CFAP65: variants seen among roughly 807,000 people sequenced by gnomAD.
CFAP65 encodes cilia and flagella associated protein 65.
Under a neutral mutation model 208.0 loss-of-function variants are expected in CFAP65, and 155 were observed. The observed-to-expected ratio is 0.75, with a 90% CI of 0.65 to 0.85. CFAP65 has a LOEUF of 0.85. CFAP65 is among the 40% of genes least tolerant of loss of function. CFAP65 has a pLI of 0.00. For missense variants in CFAP65, 2,294 were observed against 2,451.3 expected (o/e 0.94, Z 1.36); for synonymous variants, 970 against 986.3 (o/e 0.98, Z 0.31).
chr2:219,036,986 C>G (rs1322573618), intron 4 of CFAP65, among the ~76,000 whole-genome samples: 1 of 152,028 alleles, frequency 6.6e-6, no homozygotes, highest in African/African-American at 2.4e-5. Context: ...CCTGAGTCAC[C>G]TATGGAAGAA....
intron 13 of CFAP65, chr2:219,026,727 C>G (rs1947655747): frequency 1.0e-6 from 1 of 953,188 alleles, no homozygotes; most frequent in Non-Finnish European, 1.2e-6. Flanking sequence ...ATATTAAAAG[C>G]TCAGTAGCCA....
rs1948107598 is a variant in CFAP65 at position 219,032,377 on chromosome 2, C to T, written c.645+93G>A. Reference sequence around the variant, plus strand: ...CTGGAGCGGGCAGCATGTGTGTGTGCCGGGGCGCTCCTGGTTGCTCTGTCC... The same window carrying T: ...CTGGAGCGGGCAGCATGTGTGTGTGTCGGGGCGCTCCTGGTTGCTCTGTCC... On this transcript the variant is annotated intron_variant, in intron 6 of 34. Transcript: ENST00000341552. This position sits in a 1 kb window ranked among gnomAD's most constrained non-coding sequence, Gnocchi z 5.5. 3.7e-6 allele frequency: 4 copies of T among 1,095,530 alleles called. No individual in the cohort carries two copies. Among genetic ancestry groups the T allele is most frequent in the East Asian group, 2.6e-5 (1 of 38,026 alleles). 67.9% of individuals were successfully genotyped at this position (1,095,530 alleles called of 1,614,324 possible).
rs1260395587 is a variant in CFAP65, at chr2:219,023,351, C to A, written c.2676G>T (p.Trp892Cys). Residue 892 changes from tryptophan to cysteine, a missense_variant, in exon 16 of 35, where the codon TGG (tryptophan) becomes TGT (cysteine). By Grantham distance (215) the Trp-to-Cys change is radical. This residue lies in a region of CFAP65 where 1,427 missense variants were observed against 1,438.7 expected (regional missense o/e 0.99). Transcript: ENST00000341552. ...THKSLYFKPT[W>C]VGCSSTSPFT... is the part of the protein sequence containing the mutation. ...AGGGGCTGGTGGAGGAGCAGCCCAC[C>A]CAGGTGGGCTTGAAGTAGAGGCTTT... 6.2e-7 allele frequency: 1 copy of A among 1,610,300 alleles called. No homozygotes were observed.
Position 219,029,419 on chromosome 2 carries a change from C to T in CFAP65, c.1634G>A (p.Cys545Tyr). Residue 545 changes from cysteine to tyrosine, a missense_variant, in exon 11 of 35, where the codon TGT becomes TAT. By Grantham distance (194) the Cys-to-Tyr change is radical (BLOSUM62 -2). This residue lies in a region of CFAP65 where 867 missense variants were observed against 1,012.6 expected (regional missense o/e 0.86). Transcript: ENST00000341552. ...ACGACTCACCTGGTGGTGGATGAGACAGGCCACACGCCGAAAGCAGATGAT... is the reference window on the plus strand; with the variant it reads ...ACGACTCACCTGGTGGTGGATGAGATAGGCCACACGCCGAAAGCAGATGAT... ...HPIICFRRVA[C>Y]LIHHQDPLFL... is the part of the protein sequence containing the mutation. 6.2e-7 allele frequency: 1 copy of T among 1,613,556 alleles called. No homozygotes were observed. Among genetic ancestry groups the T allele is most frequent in the Non-Finnish European group, 8.5e-7 (1 of 1,179,626 alleles).
In CFAP65 at chr2:219,030,685, C is replaced by T. The variant is rs765064284; in HGVS notation, c.1161+4G>A. The T allele has an allele frequency of 6.2e-7, 1 of 1,612,246 alleles. No homozygotes were observed. The highest frequency in any genetic ancestry group is 8.5e-7 in the Non-Finnish European group (1 of 1,178,798). Reference sequence around the variant, plus strand: ...TCCTGCCGCCCCTCCTGCCTGGTGCCTACCGCCGACGGGTTGTGTAGCCTG... The same window carrying T: ...TCCTGCCGCCCCTCCTGCCTGGTGCTTACCGCCGACGGGTTGTGTAGCCTG... On this transcript the variant is annotated splice_donor_region_variant and intron_variant, in intron 9 of 34. Coordinates refer to ENST00000341552, the MANE Select transcript of CFAP65 (RefSeq NM_194302.4).
chr2:219,013,330 A>T lies in CFAP65; in HGVS notation c.3886T>A (p.Tyr1296Asn). 6.2e-7 allele frequency: 1 copy of T among 1,614,000 alleles called. No individual in the cohort carries two copies. Among genetic ancestry groups the T allele is most frequent in the South Asian group, 1.1e-5 (1 of 91,016 alleles). Residue 1296 changes from tyrosine (Y) to asparagine (N), a missense_variant, in exon 24 of 35, where the codon TAT (tyrosine) becomes AAT (asparagine). Coordinates refer to ENST00000341552, the MANE Select transcript of CFAP65 (RefSeq NM_194302.4). ...IGVTVKPEQK[Y>N]VHFTSTTHQF... The stretch of plus-strand genomic sequence containing the variant: ...TGGGTAGTAGAGGTGAAGTGCACAT[A>T]CTTCTGCTCCGGCTTCACTGTCACA...
intron 14 of CFAP65, among the ~76,000 whole-genome samples, chr2:219,025,482 C>G (rs911536405): frequency 6.6e-6 from 1 of 152,276 alleles, no homozygotes; most frequent in East Asian, 1.9e-4. Flanking sequence ...TGGAAGCCGG[C>G]GGTCTGGCCC....
rs1231712326 is a variant in CFAP65 at position 219,019,517 on chromosome 2, G to A, written c.3462C>T (p.Pro1154=). 6.2e-7 allele frequency: 1 copy of A among 1,612,022 alleles called. No individual in the cohort carries two copies. Among genetic ancestry groups the A allele is most frequent in the African/African-American group, 1.3e-5 (1 of 74,916 alleles). The change falls in exon 20 of 35, where the codon CCC becomes CCT. Residue 1154 remains proline (P), a synonymous_variant. Coordinates refer to ENST00000341552, the MANE Select transcript of CFAP65 (RefSeq NM_194302.4). ...CAGGCTCAGCTCACCTGTGCCGGGT[G>A]GGCACCTTGTAGGTGAGCTCACAGG... is the stretch of plus-strand genomic sequence containing the variant. ...PTPCELTYKV[P]TRHSMSQIPP... is the part of the protein sequence containing the mutation.
At chr2:219,036,880 G>A (rs1948398736) in intron 4 of CFAP65, among the ~76,000 whole-genome samples, 1 of 152,238 alleles carries the variant, frequency 6.6e-6, no homozygotes, top group African/African-American at 2.4e-5. Context: ...GACTACAATG[G>A]TGAACAGGAC....
chr2:219,036,310 C>T (rs1300449326), intron 4 of CFAP65, among the ~76,000 whole-genome samples: 1 of 152,140 alleles, frequency 6.6e-6, no homozygotes, highest in Non-Finnish European at 1.5e-5. Flanking sequence ...ATAGGCTTAT[C>T]CATCACCCCT....
At chr2:219,036,726 G>C (rs1948388487) in intron 4 of CFAP65, among the ~76,000 whole-genome samples, 1 of 152,152 alleles carries the variant, frequency 6.6e-6, no homozygotes, top group Non-Finnish European at 1.5e-5. Context: ...TTACAGGTGT[G>C]AGCCATCATG....
intron 18 of CFAP65, 81 bp from the exon 19 acceptor site, chr2:219,021,361 TGGGCACCAG>T: frequency 1.0e-5 from 15 of 1,432,634 alleles, no homozygotes; most frequent in Non-Finnish European, 1.4e-5. Flanking sequence ...TACCCTTCCC[TGGGCACCAG>T]GGGAGGACAG....
Position 219,038,598 on chromosome 2 carries a change from G to T in CFAP65, c.154-20C>A. The T allele has an allele frequency of 6.3e-7, 1 of 1,599,968 alleles. No individual in the cohort carries two copies. The highest frequency in any genetic ancestry group is 1.1e-5 in the South Asian group (1 of 90,308). Reference sequence around the variant, plus strand: ...ATGGAGCTGGGAAGAGAGCAGAGGGGAGAGGAGACAGGAGTGACATGAGAA... The same window carrying T: ...ATGGAGCTGGGAAGAGAGCAGAGGGTAGAGGAGACAGGAGTGACATGAGAA... On this transcript the variant is annotated intron_variant, in intron 3 of 34. Transcript: ENST00000341552.
Position 219,031,013 on chromosome 2 carries a change from C to G in CFAP65, c.1015+93G>C. On this transcript the variant is annotated intron_variant, in intron 8 of 34. Transcript: ENST00000341552. This position sits in a 1 kb window ranked among gnomAD's most constrained non-coding sequence, Gnocchi z 5.2. ...GCAGGAGGCCGGTGGAGGCGGGGGC[C>G]AGGCCAGATGGGAGGTGGGGGACAC... is the stretch of plus-strand genomic sequence containing the variant. The G allele has an allele frequency of 6.9e-7, 1 of 1,458,832 alleles. No homozygotes were observed. Among genetic ancestry groups the G allele is most frequent in the East Asian group, 2.5e-5 (1 of 40,420 alleles). The allele number at this position is 1,458,832 out of a possible 1,614,324, so 90.4% of individuals were successfully genotyped here.
Position 219,005,443 on chromosome 2 carries a change from GT to G in CFAP65, c.5041del (p.Thr1681GlnfsTer2). On this transcript the variant is annotated frameshift_variant, in exon 32 of 35. Coordinates refer to ENST00000341552, the MANE Select transcript of CFAP65 (RefSeq NM_194302.4). LOFTEE classifies it high-confidence loss of function. ...GGGTGTGAGCTGGTACCTGATTATT[GT>G]GGTGAGAATGTCAACCAGGAGCTGC... The part of the protein sequence containing the change: ...KKQLLVDILT[T>X]IIRGLLEDKN... 6.2e-7 allele frequency: 1 copy of G among 1,613,858 alleles called. No individual in the cohort carries two copies. Among genetic ancestry groups the G allele is most frequent in the Non-Finnish European group, 8.5e-7 (1 of 1,179,974 alleles).
chr2:219,013,544 T>A lies in CFAP65; in HGVS notation c.3821A>T (p.Lys1274Met). ...CAGGATCTCCCGGCCATGGGACACC[T>A]TGAAGAGCACTGGGAGGTGATCAGT... The part of the protein sequence containing the change: ...IGTDHLPVLF[K>M]VSHGREILLN... Residue 1274 changes from lysine to methionine, a missense_variant, in exon 23 of 35, where the codon AAG becomes ATG. By Grantham distance (95) the Lys-to-Met change is moderately conservative. Transcript: ENST00000341552. 1 of 1,601,348 alleles carries A rather than the reference T, an allele frequency of 6.2e-7. No homozygotes were observed. The highest frequency in any genetic ancestry group is 1.1e-5 in the South Asian group (1 of 88,052).
At position 219,023,412 on chromosome 2, in the gene CFAP65, C is replaced by T. The variant is rs113285433; in HGVS notation, c.2615G>A (p.Arg872Gln). The part of the protein sequence containing the change: ...QYLKEVSMYS[R>Q]EEPLQLKLDT... ...CAGCTTCAGCTGCAGTGGCTCCTCCCGGCTGTACATGCTCACCTCCTGGAG... is the reference window on the plus strand; with the variant it reads ...CAGCTTCAGCTGCAGTGGCTCCTCCTGGCTGTACATGCTCACCTCCTGGAG... Residue 872 changes from arginine (R) to glutamine (Q), a missense_variant, in exon 16 of 35, where the codon CGG (arginine) becomes CAG (glutamine). Physicochemically the swap from Arg to Gln is conservative, Grantham distance 43. Coordinates refer to ENST00000341552, the MANE Select transcript of CFAP65 (RefSeq NM_194302.4). 12 of 1,580,626 alleles carry T rather than the reference C, an allele frequency of 7.6e-6. No homozygotes were observed. Among genetic ancestry groups the T allele is most frequent in the East Asian group, 4.6e-5 (2 of 43,736 alleles).
At chr2:219,006,696 C>T (rs1305326323) in intron 29 of CFAP65, among the ~76,000 whole-genome samples, 187 bp from the exon 30 acceptor site, 1 of 152,030 alleles carries the variant, frequency 6.6e-6, no homozygotes, top group Non-Finnish European at 1.5e-5. Flanking sequence ...TAGTCAGATG[C>T]GGTAGCACGT....
intron 19 of CFAP65, 75 bp downstream of exon 19, chr2:219,021,077 A>G: frequency 1.4e-6 from 2 of 1,433,492 alleles, no homozygotes; most frequent in Non-Finnish European, 1.8e-6. Context: ...CTCGGCATCC[A>G]CTGCCTCACA....
Sources: gnomAD v4.1 joint callset for allele counts (sites outside exome capture counted in the v4.1 genomes callset) on GRCh38, gnomAD v4.1.1 for gene constraint, gnomAD v4.1.1 regional missense constraint, Gnocchi (gnomAD v3.1) non-coding constraint, MANE v1.5 for transcripts, NCBI Gene and HGNC (gene_info 2026-07-23, HGNC 2026-07-21) for gene names.